Variants in TENM3 observed in about 807,000 individuals in gnomAD.
TENM3 encodes teneurin transmembrane protein 3.
Under a neutral mutation model 255.1 loss-of-function variants are expected in TENM3, and 63 were observed. That is an observed-to-expected ratio of 0.25 (90% CI 0.20 to 0.30). The LOEUF (loss-of-function observed/expected upper bound fraction) is 0.30, where lower values mean the gene tolerates loss of function less well. Ranked by LOEUF, TENM3 falls within the 10% of genes least tolerant of loss-of-function variation. The pLI, the probability that TENM3 is intolerant of heterozygous loss-of-function variation, is 1.00. For synonymous variants in TENM3, 1,306 were observed against 1,322.3 expected (o/e 0.99, Z 0.27); for missense variants, 2,929 against 3,461.1 (o/e 0.85, Z 3.86).
In TENM3 at chr4:182,789,291, G is replaced by A. The variant is rs1182810243; in HGVS notation, c.5503G>A (p.Gly1835Ser). 6.2e-7 allele frequency: 1 copy of A among 1,613,740 alleles called. No homozygotes were observed. Among genetic ancestry groups the A allele is most frequent in the East Asian group, 2.2e-5 (1 of 44,892 alleles). Residue 1835 changes from glycine (G) to serine (S), a missense_variant, in exon 25 of 28, where the codon GGC becomes AGC. By Grantham distance (56) the Gly-to-Ser change is moderately conservative (BLOSUM62 0). Transcript: ENST00000511685. This position sits in a 1 kb window ranked among gnomAD's most constrained non-coding sequence, Gnocchi z 4.4. ...AGGTCAAATTGCCAGCATCCAGCGA[G>A]GCACCACTAGCGAGAAAGTAGATTA... Reference protein sequence around the residue: ...STGQIASIQRGTTSEKVDYDG... With the variant: ...STGQIASIQRSTTSEKVDYDG...
chr4:181,721,376 G>A, the TENM3 span, among the ~76,000 whole-genome samples: 19 of 151,480 alleles, frequency 1.3e-4, no homozygotes, highest in East Asian at 3.7e-3. Flanking sequence ...GCTCACTCTG[G>A]CAGTCGTATA....
intron 5 of TENM3, among the ~76,000 whole-genome samples, chr4:182,650,889 A>AAAAAAAATATATATAT (rs1281790163): frequency 3.0e-4 from 9 of 29,756 alleles, no homozygotes; most frequent in Admixed American, 1.8e-3. Flanking sequence ...AATAAAAAAA[A>AAAAAAAATATATATAT]ATATATATAT....
the TENM3 span, among the ~76,000 whole-genome samples, chr4:182,120,609 T>G: frequency 5.7e-4 from 87 of 152,286 alleles, no homozygotes; most frequent in Non-Finnish European, 1.5e-4. Context: ...GGATCAGTAC[T>G]GGTGGTTGGA....
At chr4:181,615,922 G>A in the TENM3 span, among the ~76,000 whole-genome samples, 3 of 152,138 alleles carry the variant, frequency 2.0e-5, no homozygotes, top group African/African-American at 7.2e-5. Flanking sequence ...TGAGAAAACT[G>A]AGACAGAAAA....
chr4:181,900,536 A>C, the TENM3 span, among the ~76,000 whole-genome samples: 1 of 152,224 alleles, frequency 6.6e-6, no homozygotes. Context: ...TCCAGTTCAC[A>C]ACAGACATAC....
the TENM3 span, among the ~76,000 whole-genome samples, chr4:181,602,699 T>G: frequency 6.6e-6 from 1 of 152,288 alleles, no homozygotes; most frequent in East Asian, 1.9e-4. Flanking sequence ...CATCTAAAAC[T>G]CAGGGTGTTA....
At chr4:182,587,712 G>A (rs549452542) in intron 3 of TENM3, among the ~76,000 whole-genome samples, 18 of 152,050 alleles carry the variant, frequency 1.2e-4, no homozygotes, top group African/African-American at 4.1e-4. Context: ...CACCTGGCCT[G>A]GTTTTCTTTT....
intron 17 of TENM3, 148 bp from the exon 18 acceptor site, chr4:182,738,253 C>T: frequency 6.3e-6 from 4 of 635,852 alleles, no homozygotes; most frequent in Non-Finnish European, 1.0e-5. Flanking sequence ...GTGAAATCTT[C>T]TTAAATTAAA....
the TENM3 span, among the ~76,000 whole-genome samples, chr4:181,821,961 C>A: frequency 1.3e-5 from 2 of 152,198 alleles, no homozygotes; most frequent in Admixed American, 1.3e-4. Flanking sequence ...TTTTATATAT[C>A]TCATACAGAA....
the TENM3 span, among the ~76,000 whole-genome samples, chr4:181,492,323 CAAAAG>C: frequency 6.6e-6 from 1 of 152,130 alleles, no homozygotes; most frequent in African/African-American, 2.4e-5. Context: ...TAGCCAGTCT[CAAAAG>C]AACAGTCTGT....
intron 5 of TENM3, among the ~76,000 whole-genome samples, chr4:182,633,463 T>TA (rs926618138): frequency 6.6e-6 from 1 of 152,180 alleles, no homozygotes; most frequent in African/African-American, 2.4e-5. Context: ...AGGCGATACC[T>TA]ACGTTTTGCT....
At chr4:182,096,674 A>G in the TENM3 span, among the ~76,000 whole-genome samples, 1 of 152,208 alleles carries the variant, frequency 6.6e-6, no homozygotes, top group African/African-American at 2.4e-5. Context: ...GAGAAACACT[A>G]GAGCATATAA....
rs745851962 is a variant in TENM3 at position 182,751,810 on chromosome 4, G to A, written c.3640G>A (p.Ala1214Thr). 1 of 1,613,544 alleles carries A rather than the reference G, an allele frequency of 6.2e-7. No individual in the cohort carries two copies. Among genetic ancestry groups the A allele is most frequent in the Admixed American group, 1.7e-5 (1 of 60,002 alleles). Residue 1214 changes from alanine to threonine, a missense_variant, in exon 20 of 28, where the codon GCT becomes ACT. Physicochemically the swap from Ala to Thr is moderately conservative, Grantham distance 58. Around this residue, in one of 6 missense-constraint regions of TENM3, gnomAD observed 1,608 missense variants for 1,884.4 expected, o/e 0.85. Transcript: ENST00000511685. ...TSVLELSSNP[A>T]HRYYLATDPV... ...TGATCCTTTTCACAGCAGCAACCCAGCTCATAGATACTACCTTGCAACGGA... is the reference window on the plus strand; with the variant it reads ...TGATCCTTTTCACAGCAGCAACCCAACTCATAGATACTACCTTGCAACGGA...
upstream of TENM3, among the ~76,000 whole-genome samples, chr4:182,139,045 C>T (rs1749207524): frequency 6.6e-6 from 1 of 152,182 alleles, no homozygotes; most frequent in South Asian, 2.1e-4. Flanking sequence ...TCCACTCATT[C>T]GTTCAACAAA....
chr4:182,232,181 T>G (rs2150021086), intron 1 of TENM3, among the ~76,000 whole-genome samples: 1 of 152,274 alleles, frequency 6.6e-6, no homozygotes, highest in South Asian at 2.1e-4. Flanking sequence ...TCCTCTGTCC[T>G]TCTGGCTGAA....
the TENM3 span, among the ~76,000 whole-genome samples, chr4:181,817,867 T>C: frequency 3.3e-5 from 5 of 152,346 alleles, no homozygotes; most frequent in East Asian, 9.7e-4. Context: ...CTCAGTCTGC[T>C]GTATCCTGTT....
the TENM3 span, among the ~76,000 whole-genome samples, chr4:181,888,509 T>TATATATATATATAC: frequency 2.5e-4 from 8 of 32,430 alleles, no homozygotes; most frequent in East Asian, 1.5e-3. Flanking sequence ...TATATATATA[T>TATATATATATATAC]ATATATGTAT....
chr4:182,362,913 A>T (rs1277269009), intron 3 of TENM3, among the ~76,000 whole-genome samples: 1 of 152,192 alleles, frequency 6.6e-6, no homozygotes, highest in Non-Finnish European at 1.5e-5. Flanking sequence ...TCATCTCACA[A>T]CTTTATATAC....
At chr4:182,794,150 G>T (rs1766317674) in intron 26 of TENM3, among the ~76,000 whole-genome samples, 1 of 152,098 alleles carries the variant, frequency 6.6e-6, no homozygotes, top group African/African-American at 2.4e-5. Flanking sequence ...TAAAGAAGGG[G>T]AACATGGGGG....
Sources: gnomAD v4.1 joint callset for allele counts (sites outside exome capture counted in the v4.1 genomes callset) on GRCh38, gnomAD v4.1.1 for gene constraint, gnomAD v4.1.1 regional missense constraint, Gnocchi (gnomAD v3.1) non-coding constraint, MANE v1.5 for transcripts, NCBI Gene and HGNC (gene_info 2026-07-23, HGNC 2026-07-21) for gene names.